Variants in GALNT10 observed in about 807,000 individuals in gnomAD.
GALNT10 encodes GalNAc transferase 10.
A neutral mutation model predicts 75.0 loss-of-function variants in GALNT10; 41 were observed. That is an observed-to-expected ratio of 0.55 (90% confidence interval 0.43 to 0.71). The LOEUF (loss-of-function observed/expected upper bound fraction) is 0.71, where lower values mean the gene tolerates loss of function less well. GALNT10 is among the 30% of genes least tolerant of loss of function. The pLI is 0.00. For missense variants in GALNT10, 727 were observed against 818.5 expected (o/e 0.89, Z 1.36); for synonymous variants, 302 against 313.0 (o/e 0.96, Z 0.37).
At chr5:154,263,487 G>A (rs1247278276) in intron 1 of GALNT10, among the ~76,000 whole-genome samples, 5 of 152,276 alleles carry the variant, frequency 3.3e-5, no homozygotes, top group African/African-American at 1.2e-4. Flanking sequence ...GTTTCTAAGG[G>A]CTCAGGGGAG....
intron 1 of GALNT10, among the ~76,000 whole-genome samples, chr5:154,269,829 G>T (rs1753834833): frequency 6.6e-6 from 1 of 152,200 alleles, no homozygotes; most frequent in Admixed American, 6.5e-5. Flanking sequence ...GGAGGGACTG[G>T]GCTCTTGAGT....
intron 3 of GALNT10, among the ~76,000 whole-genome samples, chr5:154,315,497 GT>G (rs952777074): frequency 1.9e-4 from 29 of 152,232 alleles, no homozygotes; most frequent in African/African-American, 2.4e-5. Context: ...TCTCCTCTGT[GT>G]AGCTCTGTCT....
At chr5:154,333,606 A>G (rs1402157032) in intron 4 of GALNT10, among the ~76,000 whole-genome samples, 3 of 152,168 alleles carry the variant, frequency 2.0e-5, no homozygotes, top group African/African-American at 7.2e-5. Flanking sequence ...GAAAAGGTAC[A>G]CTTCATAACA....
intron 4 of GALNT10, among the ~76,000 whole-genome samples, chr5:154,335,871 G>A (rs1252431447): frequency 3.3e-5 from 5 of 152,194 alleles, no homozygotes; most frequent in East Asian, 1.9e-4. Flanking sequence ...TCACTCTGGT[G>A]TTGTACATTC....
rs1561652911 is a variant in GALNT10, at chr5:154,294,805, C to G, written c.160-11C>G. On this transcript the variant is annotated splice_polypyrimidine_tract_variant and intron_variant, in intron 1 of 11. Coordinates refer to ENST00000297107, the MANE Select transcript of GALNT10 (RefSeq NM_198321.4). Reference sequence around the variant, plus strand: ...CTTTTCTATTTTTCATAGTTTTTGTCTTTTTTTAAGGGCTCACACAGTCGA... The same window carrying G: ...CTTTTCTATTTTTCATAGTTTTTGTGTTTTTTTAAGGGCTCACACAGTCGA... The G allele has an allele frequency of 1.4e-6, 2 of 1,467,714 alleles. No individual in the cohort carries two copies. Among genetic ancestry groups the G allele is most frequent in the East Asian group, 4.5e-5 (2 of 44,192 alleles). 90.9% of individuals were successfully genotyped at this position (1,467,714 alleles called of 1,614,324 possible). A position where few individuals can be genotyped will look rare whatever the true frequency, so the allele number is the denominator to read the frequency against.
chr5:154,280,333 T>C (rs886589338), intron 1 of GALNT10, among the ~76,000 whole-genome samples: 13 of 152,204 alleles, frequency 8.5e-5, no homozygotes, highest in African/African-American at 2.9e-4. Flanking sequence ...TAAGTTCTAG[T>C]GTTCTATAGC....
At chr5:154,253,048 T>G (rs1210150275) in intron 1 of GALNT10, among the ~76,000 whole-genome samples, 2 of 150,786 alleles carry the variant, frequency 1.3e-5, no homozygotes, top group Admixed American at 6.6e-5. Flanking sequence ...GTGAAATGGT[T>G]TTTTTTCTTT....
In GALNT10 at chr5:154,283,296, A is replaced by C. The variant is rs1045421288; in HGVS notation, c.160-11520A>C. Among the ~76,000 whole-genome samples, 13 of 150,480 alleles carry C rather than the reference A, an allele frequency of 8.6e-5. No homozygotes were observed. In the South Asian group the frequency reaches 1.3e-3, roughly 15 times the overall value. ...TCGTCTGTAAAAAAAAAAAAAAAAA[A>C]AAAAGCCAGGTGTGGTGGTGCATGT... On this transcript the variant is annotated intron_variant, in intron 1 of 11. Coordinates refer to ENST00000297107, the MANE Select transcript of GALNT10 (RefSeq NM_198321.4).
At chr5:154,228,776 T>C (rs565639629) in intron 1 of GALNT10, among the ~76,000 whole-genome samples, 2 of 152,374 alleles carry the variant, frequency 1.3e-5, no homozygotes, top group Admixed American at 1.3e-4. Context: ...TGTCCTGTGT[T>C]CTAAGAGGAT....
At chr5:154,358,845 G>A (rs114187671) in intron 4 of GALNT10, among the ~76,000 whole-genome samples, 1,642 of 152,246 alleles carry the variant, frequency 0.011, 38 homozygotes, top group African/African-American at 0.037. Flanking sequence ...GCATTCTCAG[G>A]ACACTCTCCC....
chr5:154,399,483 A>T (rs998181076), intron 7 of GALNT10, among the ~76,000 whole-genome samples: 18 of 152,172 alleles, frequency 1.2e-4, no homozygotes, highest in African/African-American at 4.1e-4. Flanking sequence ...CCCAGCCAGG[A>T]TCCAGCCCGA....
intron 4 of GALNT10, among the ~76,000 whole-genome samples, chr5:154,354,314 T>C (rs972771788): frequency 2.0e-5 from 3 of 152,094 alleles, no homozygotes; most frequent in Non-Finnish European, 2.9e-5. Flanking sequence ...GAGACAGCGA[T>C]GGTGAGGATA....
At chr5:154,355,248 C>T (rs1755271653) in intron 4 of GALNT10, among the ~76,000 whole-genome samples, 1 of 152,036 alleles carries the variant, frequency 6.6e-6, no homozygotes, top group South Asian at 2.1e-4. Flanking sequence ...TCCTGCTCCT[C>T]CCCCCTCACC....
intron 7 of GALNT10, 129 bp downstream of exon 7, chr5:154,386,559 C>T: frequency 4.2e-6 from 2 of 479,212 alleles, no homozygotes; most frequent in Admixed American, 6.0e-5. Flanking sequence ...TTCTGCCCAT[C>T]AGGTGAAGAA....
intron 1 of GALNT10, among the ~76,000 whole-genome samples, chr5:154,293,613 A>ATATATATATATATATTTTTTTTTTTTT: frequency 9.1e-6 from 1 of 109,360 alleles, no homozygotes; most frequent in African/African-American, 4.2e-5. Context: ...ATATATATAT[A>ATATATATATATATATTTTTTTTTTTTT]TTTTTTTTTT....
rs374074774 is a variant in GALNT10, at chr5:154,190,828, G to A, written c.-39G>A. 3.3e-3 allele frequency: 3,629 copies of A among 1,096,616 alleles called. 136 individuals are homozygous for A. The East Asian group carries it at 0.077, about 23-fold the overall frequency. 67.9% of individuals were successfully genotyped at this position (1,096,616 alleles called of 1,614,324 possible). On this transcript the variant is annotated 5_prime_UTR_variant, in exon 1 of 12. Coordinates refer to ENST00000297107, the MANE Select transcript of GALNT10 (RefSeq NM_198321.4). Reference sequence around the variant, plus strand: ...GGACGCGCGGAGCTGGGGGCGGCGCGGCGGGGCCGGCGGGGCGCGGCGGGG... The same window carrying A: ...GGACGCGCGGAGCTGGGGGCGGCGCAGCGGGGCCGGCGGGGCGCGGCGGGG...
chr5:154,408,647 T>A (rs890559886), intron 8 of GALNT10, among the ~76,000 whole-genome samples: 1 of 152,032 alleles, frequency 6.6e-6, no homozygotes, highest in Non-Finnish European at 1.5e-5. Flanking sequence ...TGTCATTTTT[T>A]AAAACTGATT....
chr5:154,248,647 A>G (rs1009173743), intron 1 of GALNT10, among the ~76,000 whole-genome samples: 6 of 152,192 alleles, frequency 3.9e-5, no homozygotes, highest in African/African-American at 4.8e-5. Context: ...CTGTGGGATC[A>G]GTGGTGATAT....
chr5:154,396,417 A>C (rs114048204), intron 7 of GALNT10, among the ~76,000 whole-genome samples: 2,051 of 152,284 alleles, frequency 0.013, 46 homozygotes, highest in African/African-American at 0.047. Flanking sequence ...TTGCAAGCCA[A>C]GGGTGACCCC....
Sources: allele counts gnomAD v4.1 joint callset (sites outside exome capture counted in the v4.1 genomes callset), GRCh38; gene constraint gnomAD v4.1.1; transcripts MANE v1.5; gene names NCBI Gene and HGNC (gene_info 2026-07-23, HGNC 2026-07-21).